The following ESR1 variants were observed in gnomAD, a reference collection of about 807,000 sequenced individuals.
The protein encoded by ESR1 is estrogen receptor 1, also known as estrogen receptor.
ESR1 carries 12 observed loss-of-function variants against 52.7 expected under a neutral mutation model. The observed-to-expected ratio is 0.23, with a 90% confidence interval of 0.15 to 0.37. The LOEUF (loss-of-function observed/expected upper bound fraction) is 0.37. Ranked by LOEUF, ESR1 falls within the 10% of genes least tolerant of loss-of-function variation. ESR1 has a pLI of 1.00. For missense variants in ESR1, 584 were observed against 779.7 expected (o/e 0.75, Z 2.99); for synonymous variants, 305 against 316.8 (o/e 0.96, Z 0.39).
chr6:152,092,409 C>T (rs2050256637), intron 6 of ESR1, among the ~76,000 whole-genome samples: 1 of 152,176 alleles, frequency 6.6e-6, no homozygotes, highest in Non-Finnish European at 1.5e-5. Flanking sequence ...GCAGTTACAA[C>T]TCTGTTTACT....
intron 4 of ESR1, among the ~76,000 whole-genome samples, chr6:151,986,003 T>C (rs2040451439): frequency 2.6e-5 from 4 of 152,282 alleles, no homozygotes; most frequent in Non-Finnish European, 5.9e-5. Context: ...ATTATATGCC[T>C]GCTTCAGGCA....
chr6:151,980,792 C>A (rs1436526455), intron 4 of ESR1, among the ~76,000 whole-genome samples: 1 of 152,170 alleles, frequency 6.6e-6, no homozygotes, highest in African/African-American at 2.4e-5. Context: ...CAACCTCCGC[C>A]TCCCGGGTTC....
In ESR1 at chr6:151,782,844, C is replaced by T. The variant is rs563088470; in HGVS notation, c.-70-24999C>T. Among the ~76,000 whole-genome samples, 17 of 152,182 alleles carry T rather than the reference C, an allele frequency of 1.1e-4. 1 individual carries two copies. The highest frequency in any genetic ancestry group is 6.2e-4 in the South Asian group (3 of 4,824). On this transcript the variant is annotated intron_variant, in intron 2 of 2. Coordinates refer to the ESR1 transcript ENST00000404742. ...ACGTTAAATACACCTTCCATTCCTC[C>T]GCCACATCCATGCTCTTTCCCATAC...
exon 7 of ESR1, chr6:152,125,311 C>T (rs1179536163): frequency 6.5e-7 from 1 of 1,550,246 alleles, no homozygotes; most frequent in Non-Finnish European, 8.7e-7. Context: ...AACTTGCATC[C>T]TAAAATATTT....
chr6:151,865,973 C>T (rs1195120593), intron 2 of ESR1, among the ~76,000 whole-genome samples: 1 of 152,208 alleles, frequency 6.6e-6, no homozygotes, highest in Non-Finnish European at 1.5e-5. Context: ...ACTCTCCTGC[C>T]AGCGCAGTAT....
At chr6:151,737,498 A>T (rs901392583) in intron 2 of ESR1, among the ~76,000 whole-genome samples, 5 of 152,098 alleles carry the variant, frequency 3.3e-5, no homozygotes, top group African/African-American at 1.2e-4. Flanking sequence ...ATCAATGTGC[A>T]TTTTTTTGCG....
chr6:151,809,172 T>G (rs1010147008), intron 1 of ESR1: 5 of 450,832 alleles, frequency 1.1e-5, no homozygotes, highest in African/African-American at 1.0e-4. Context: ...TGCCCCGGAG[T>G]GGCGTGCGGG....
At chr6:151,921,006 G>A (rs989295624) in intron 3 of ESR1, among the ~76,000 whole-genome samples, 1 of 151,982 alleles carries the variant, frequency 6.6e-6, no homozygotes, top group African/African-American at 2.4e-5. Flanking sequence ...GTGCCATGGT[G>A]GTTTGCTGCA....
intron 2 of ESR1, among the ~76,000 whole-genome samples, chr6:151,713,517 C>CTTGTTA (rs1780785017): frequency 6.6e-6 from 1 of 152,110 alleles, no homozygotes; most frequent in African/African-American, 2.4e-5. Flanking sequence ...AATTTCAGAA[C>CTTGTTA]TTGTTATTGG....
chr6:151,895,289 C>T (rs1795323964), intron 3 of ESR1, among the ~76,000 whole-genome samples: 1 of 151,944 alleles, frequency 6.6e-6, no homozygotes, highest in Non-Finnish European at 1.5e-5. Flanking sequence ...GTTCTAGGAG[C>T]TTTTTGGGGG....
chr6:151,721,246 C>A (rs975256514), intron 2 of ESR1, among the ~76,000 whole-genome samples: 8 of 152,104 alleles, frequency 5.3e-5, no homozygotes, highest in Non-Finnish European at 1.0e-4. Flanking sequence ...CAACAAGAAC[C>A]ATTTGGGTAA....
intron 3 of ESR1, among the ~76,000 whole-genome samples, chr6:151,885,356 C>A (rs1248766175): frequency 6.6e-6 from 1 of 152,112 alleles, no homozygotes; most frequent in East Asian, 1.9e-4. Context: ...CAACCACTCC[C>A]AGGTTTAGTC....
At chr6:152,122,588 C>T (rs1474908833) in intron 6 of ESR1, 4 of 1,614,220 alleles carry the variant, frequency 2.5e-6, no homozygotes, top group Non-Finnish European at 3.4e-6. Context: ...AGGGGAAGAG[C>T]TGCTCGGAGG....
At chr6:151,681,675 A>G (rs1315336006) in intron 1 of ESR1, among the ~76,000 whole-genome samples, 1 of 152,220 alleles carries the variant, frequency 6.6e-6, no homozygotes, top group Non-Finnish European at 1.5e-5. Flanking sequence ...TCTTTGCCTG[A>G]ATAAATAATG....
chr6:151,731,950 C>T (rs2128041370), intron 2 of ESR1, among the ~76,000 whole-genome samples: 1 of 152,234 alleles, frequency 6.6e-6, no homozygotes, highest in African/African-American at 2.4e-5. Flanking sequence ...AAGTAGAAGA[C>T]AAGAAACAGA....
At chr6:152,005,361 T>G (rs2042250708) in intron 4 of ESR1, among the ~76,000 whole-genome samples, 1 of 152,024 alleles carries the variant, frequency 6.6e-6, no homozygotes, top group Admixed American at 6.6e-5. Flanking sequence ...CCAGGATGCC[T>G]TTTTATCCTT....
At chr6:151,799,072 C>T (rs530410588) in intron 2 of ESR1, among the ~76,000 whole-genome samples, 20 of 152,298 alleles carry the variant, frequency 1.3e-4, no homozygotes, top group African/African-American at 4.3e-4. Flanking sequence ...AAGAATAGTT[C>T]ATTAAGCCAC....
At chr6:152,076,959 G>T (rs903187400) in intron 6 of ESR1, among the ~76,000 whole-genome samples, 4 of 152,130 alleles carry the variant, frequency 2.6e-5, no homozygotes, top group African/African-American at 7.2e-5. Context: ...TTTTTGAGGA[G>T]AAATTCAAGC....
At chr6:151,747,304 G>A (rs1293398603) in intron 2 of ESR1, among the ~76,000 whole-genome samples, 7 of 152,170 alleles carry the variant, frequency 4.6e-5, no homozygotes. Context: ...AGTTTCTAAT[G>A]AATGAATCAC....
Sources: gnomAD v4.1 joint callset for allele counts (sites outside exome capture counted in the v4.1 genomes callset) on GRCh38, gnomAD v4.1.1 for gene constraint, MANE v1.5 for transcripts, NCBI Gene and HGNC (gene_info 2026-07-23, HGNC 2026-07-21) for gene names.